ZBTB8A: variants seen among roughly 807,000 people sequenced by gnomAD.
ZBTB8A encodes the protein zinc finger and BTB domain containing 8A.
In ZBTB8A, 19 loss-of-function variants were observed where a neutral mutation model predicts 37.8. The observed-to-expected ratio is 0.50, with a 90% CI of 0.35 to 0.74. The LOEUF is 0.74. ZBTB8A is among the 30% of genes least tolerant of loss of function. The pLI is 0.01. For synonymous variants in ZBTB8A, 181 were observed against 185.2 expected, an observed-to-expected ratio of 0.98 and a Z score of 0.19; for missense variants, 394 against 537.8, an observed-to-expected ratio of 0.73 and a Z score of 2.65.
At chr1:32,571,336 T>C (rs1644321361) in intron 2 of ZBTB8A, among the ~76,000 whole-genome samples, 1 of 152,230 alleles carries the variant, frequency 6.6e-6, no homozygotes, top group Non-Finnish European at 1.5e-5. Context: ...CAGTTGGCTT[T>C]TTGTAGATGG....
chr1:32,597,085 C>T (rs1170515994), intron 4 of ZBTB8A, among the ~76,000 whole-genome samples: 1 of 152,060 alleles, frequency 6.6e-6, no homozygotes, highest in Non-Finnish European at 1.5e-5. Flanking sequence ...TGCCCCACTG[C>T]AACCTCTGCC....
At chr1:32,558,208 C>T (rs770746797) in intron 2 of ZBTB8A, among the ~76,000 whole-genome samples, 37 of 152,026 alleles carry the variant, frequency 2.4e-4, no homozygotes, top group Non-Finnish European at 4.4e-4. Flanking sequence ...TTTTGTGGAA[C>T]AAAATTACGT....
chr1:32,554,126 G>T (rs1406721538), intron 2 of ZBTB8A, among the ~76,000 whole-genome samples: 2 of 150,364 alleles, frequency 1.3e-5, no homozygotes, highest in Non-Finnish European at 3.0e-5. Context: ...CTTCAATCCG[G>T]GCAGCGGACG....
At chr1:32,591,702 T>A (rs1644491366) in intron 2 of ZBTB8A, among the ~76,000 whole-genome samples, 1 of 151,936 alleles carries the variant, frequency 6.6e-6, no homozygotes, top group Non-Finnish European at 1.5e-5. Context: ...CGCTTGAGCC[T>A]AGGAGTTCAA....
At chr1:32,544,753 T>C (rs1438398199) in intron 1 of ZBTB8A, among the ~76,000 whole-genome samples, 1 of 152,152 alleles carries the variant, frequency 6.6e-6, no homozygotes, top group Non-Finnish European at 1.5e-5. Context: ...AATATGGTAT[T>C]ATAATCTTAT....
chr1:32,553,090 T>G (rs925820581), intron 1 of ZBTB8A, among the ~76,000 whole-genome samples: 4 of 151,652 alleles, frequency 2.6e-5, no homozygotes, highest in Admixed American at 6.6e-5. Context: ...GACGAAGTCT[T>G]GCTCTGTCAC....
chr1:32,591,584 G>A (rs1644488763), intron 2 of ZBTB8A, among the ~76,000 whole-genome samples: 1 of 152,046 alleles, frequency 6.6e-6, no homozygotes, highest in Non-Finnish European at 1.5e-5. Flanking sequence ...AAAATCAAAT[G>A]TGTTGGTTCA....
intron 2 of ZBTB8A, among the ~76,000 whole-genome samples, chr1:32,562,339 T>C (rs1644250065): frequency 6.6e-6 from 1 of 151,696 alleles, no homozygotes; most frequent in African/African-American, 2.4e-5. Context: ...TGGTGTGATC[T>C]CAGCTCACCA....
Position 32,595,194 on chromosome 1 carries a change from C to T in ZBTB8A, c.964C>T (p.Leu322=). 1 of 1,614,124 alleles carries T rather than the reference C, an allele frequency of 6.2e-7. No homozygotes were observed. The highest frequency in any genetic ancestry group is 8.5e-7 in the Non-Finnish European group (1 of 1,180,020). ...AGCTTGTGGAAAAAGATTTAGCAGG[C>T]TAGACCATCTAAGTAGCCATTTTCG... ...CQACGKRFSR[L]DHLSSHFRTI... is the part of the protein sequence containing the mutation. Residue 322 remains leucine (L), a synonymous_variant, in exon 4 of 5, where the codon CTA becomes TTA. Coordinates refer to ENST00000373510, the MANE Select transcript of ZBTB8A (RefSeq NM_001040441.3).
intron 2 of ZBTB8A, among the ~76,000 whole-genome samples, chr1:32,568,921 A>G (rs1644304816): frequency 6.6e-6 from 1 of 152,206 alleles, no homozygotes; most frequent in Non-Finnish European, 1.5e-5. Context: ...CAAAGCTGCT[A>G]TGAAAATTCT....
intron 2 of ZBTB8A, among the ~76,000 whole-genome samples, chr1:32,573,738 C>CTTTTTTTTTTTTTTTT (rs753573244): frequency 1.1e-5 from 1 of 95,030 alleles, no homozygotes; most frequent in Non-Finnish European, 2.0e-5. Context: ...CCAGCTAAAA[C>CTTTTTTTTTTTTTTTT]TTTTTTTTTT....
chr1:32,541,752 A>G (rs550192075), intron 1 of ZBTB8A, among the ~76,000 whole-genome samples: 76 of 152,260 alleles, frequency 5.0e-4, no homozygotes, highest in Non-Finnish European at 7.5e-4. Context: ...AGAAGAGGCT[A>G]AACTCACTCC....
rs193071797 is a variant in ZBTB8A at position 32,593,544 on chromosome 1, G to C, written c.613G>C (p.Glu205Gln). Residue 205 changes from glutamate to glutamine, a missense_variant, in exon 3 of 5, where the codon GAG becomes CAG. Transcript: ENST00000373510. ...QPLAKHEPRKESIKKTKHLRL... is the reference protein window; with the variant it reads ...QPLAKHEPRKQSIKKTKHLRL... ...CTTGGCCAAGCATGAACCAAGGAAA[G>C]AGTCCATTAAAAAGACCAAACATTT... The C allele has an allele frequency of 2.6e-5, 42 of 1,614,200 alleles. No homozygotes were observed. The highest frequency in any genetic ancestry group is 5.0e-5 in the Admixed American group (3 of 60,016).
At position 32,592,912 on chromosome 1, in the gene ZBTB8A, T is replaced by G. The variant is rs368409297; in HGVS notation, c.-1-19T>G. The stretch of plus-strand genomic sequence containing the variant: ...TGTAATGTAGGTTTTGGTAACCACA[T>G]GTGTCTTTTCCTCTTCAGAATGGAG... On this transcript the variant is annotated intron_variant, in intron 2 of 4. Transcript: ENST00000373510. 2.6e-6 allele frequency: 4 copies of G among 1,566,854 alleles called. No individual in the cohort carries two copies. The African/African-American group carries it at 5.5e-5, about 22-fold the overall frequency.
chr1:32,556,786 A>G (rs1272459154), intron 2 of ZBTB8A, among the ~76,000 whole-genome samples: 1 of 151,914 alleles, frequency 6.6e-6, no homozygotes. Flanking sequence ...CTGAGGCAGA[A>G]GAATCATTTG....
chr1:32,565,897 A>G (rs1431183708), intron 2 of ZBTB8A, among the ~76,000 whole-genome samples: 1 of 152,094 alleles, frequency 6.6e-6, no homozygotes, highest in African/African-American at 2.4e-5. Context: ...CTAGTCTGCT[A>G]GACCAATTAA....
intron 2 of ZBTB8A, among the ~76,000 whole-genome samples, chr1:32,559,278 A>G (rs1176931424): frequency 6.6e-6 from 1 of 151,706 alleles, no homozygotes; most frequent in East Asian, 1.9e-4. Context: ...CACCTGGCTA[A>G]TTTTTCTATT....
intron 2 of ZBTB8A, among the ~76,000 whole-genome samples, chr1:32,560,256 C>T (rs1023970891): frequency 2.0e-5 from 3 of 152,088 alleles, no homozygotes; most frequent in African/African-American, 7.2e-5. Context: ...CTGGGGATTA[C>T]AATTCGACAT....
In ZBTB8A at chr1:32,595,061, G is replaced by C; in HGVS notation, c.831G>C (p.Leu277=). 1 of 1,613,482 alleles carries C rather than the reference G, an allele frequency of 6.2e-7. No individual in the cohort carries two copies. The highest frequency in any genetic ancestry group is 8.5e-7 in the Non-Finnish European group (1 of 1,179,792). Residue 277 remains leucine (L), a synonymous_variant, in exon 4 of 5, where the codon CTG becomes CTC. Transcript: ENST00000373510. ...DVTSKSFPDD[L]PRMRFKCPYC... is the part of the protein sequence containing the mutation. ...CAAAGCGTCTCTTGACAGATGATCT[G>C]CCTCGGATGCGATTCAAGTGCCCGT... is the stretch of plus-strand genomic sequence containing the variant.
Sources: allele counts gnomAD v4.1 joint callset (sites outside exome capture counted in the v4.1 genomes callset), GRCh38; gene constraint gnomAD v4.1.1; transcripts MANE v1.5; gene names NCBI Gene and HGNC (gene_info 2026-07-23, HGNC 2026-07-21).